Variants in SND1 observed in about 807,000 individuals in gnomAD.
SND1 encodes staphylococcal nuclease and tudor domain containing 1.
In SND1, 38 loss-of-function variants were observed where a neutral mutation model predicts 121.7. The observed-to-expected ratio is 0.31, with a 90% CI of 0.24 to 0.41. The LOEUF (loss-of-function observed/expected upper bound fraction) is 0.41, where lower values mean the gene tolerates loss of function less well. Among genes scored for constraint, SND1 ranks in the 10% least tolerant of loss-of-function variants. The pLI, the probability that SND1 is intolerant of heterozygous loss-of-function variation, is 1.00. For missense variants in SND1, 868 were observed against 1,184.6 expected, an observed-to-expected ratio of 0.73 and a Z score of 3.92; for synonymous variants, 401 against 447.4, an observed-to-expected ratio of 0.90 and a Z score of 1.31.
At chr7:127,701,468 C>A in intron 5 of SND1, 145 bp downstream of exon 5, 1 of 779,912 alleles carries the variant, frequency 1.3e-6, no homozygotes, top group South Asian at 2.2e-5. Flanking sequence ...AAAACAGCAC[C>A]TTAGTATTTC....
intron 1 of SND1, among the ~76,000 whole-genome samples, chr7:127,654,018 G>A (rs1010861112): frequency 2.0e-5 from 3 of 152,278 alleles, no homozygotes; most frequent in East Asian, 3.9e-4. Context: ...TTGGCTCTCC[G>A]GTGTTGGGTT....
At chr7:127,714,089 G>C (rs1373883436) in intron 9 of SND1, among the ~76,000 whole-genome samples, 1 of 152,054 alleles carries the variant, frequency 6.6e-6, no homozygotes, top group African/African-American at 2.4e-5. Context: ...TGTGGGGGGT[G>C]GGGGAGGGAT....
At chr7:128,084,574 C>A in intron 18 of SND1, 150 bp from the exon 19 acceptor site, 1 of 713,790 alleles carries the variant, frequency 1.4e-6, no homozygotes, top group Non-Finnish European at 2.1e-6. Context: ...ACCAAGAGGG[C>A]TTCCCCGCAT....
intron 15 of SND1, among the ~76,000 whole-genome samples, chr7:127,951,011 T>G (rs953313038): frequency 1.3e-5 from 2 of 152,116 alleles, no homozygotes; most frequent in Non-Finnish European, 2.9e-5. Context: ...GTATGGAGAT[T>G]CCTCAAAAAA....
rs140120176 is a variant in SND1 at position 127,929,122 on chromosome 7, A to G, written c.1528-66A>G. On this transcript the variant is annotated intron_variant, in intron 14 of 23. Coordinates refer to ENST00000354725, the MANE Select transcript of SND1 (RefSeq NM_014390.4). ...CTTCCTGCCAAACTTTTTGTCCTAG[A>G]CTATAAAGAAAGAAACGTTGGGTTT... 1,125 of 1,546,622 alleles carry G rather than the reference A, an allele frequency of 7.3e-4. 21 individuals are homozygous for G. The East Asian group carries it at 0.022, about 31-fold the overall frequency.
chr7:127,976,339 C>T (rs1802119976), intron 15 of SND1, among the ~76,000 whole-genome samples: 1 of 152,266 alleles, frequency 6.6e-6, no homozygotes, highest in African/African-American at 2.4e-5. Flanking sequence ...AAGACAGGCA[C>T]AGCCTGATGG....
intron 15 of SND1, among the ~76,000 whole-genome samples, chr7:127,950,069 A>C (rs1801426459): frequency 6.6e-6 from 1 of 152,184 alleles, no homozygotes; most frequent in Non-Finnish European, 1.5e-5. Flanking sequence ...GGATCCCAAG[A>C]GCTTTAGAAT....
intron 1 of SND1, among the ~76,000 whole-genome samples, chr7:127,662,890 CTTT>C (rs34629378): frequency 5.7e-5 from 7 of 122,500 alleles, no homozygotes; most frequent in Admixed American, 8.7e-5. Flanking sequence ...CCTCTTTTAT[CTTT>C]TTTTTTTTTT....
At chr7:127,995,631 G>A (rs1802629856) in intron 16 of SND1, among the ~76,000 whole-genome samples, 1 of 152,094 alleles carries the variant, frequency 6.6e-6, no homozygotes, top group Non-Finnish European at 1.5e-5. Context: ...TTTCCTTTTT[G>A]CGGCCCTTGT....
chr7:127,825,553 G>T (rs1798628570), intron 11 of SND1, among the ~76,000 whole-genome samples: 2 of 151,748 alleles, frequency 1.3e-5, no homozygotes, highest in African/African-American at 4.8e-5. Flanking sequence ...GATTAATAGT[G>T]TGTGCCACCA....
At chr7:127,939,564 T>C (rs1003814576) in intron 15 of SND1, among the ~76,000 whole-genome samples, 1 of 152,150 alleles carries the variant, frequency 6.6e-6, no homozygotes. Flanking sequence ...CTGCTTATCT[T>C]GGTGTGATGC....
At chr7:127,932,788 A>G (rs1800980726) in intron 15 of SND1, among the ~76,000 whole-genome samples, 1 of 152,174 alleles carries the variant, frequency 6.6e-6, no homozygotes, top group African/African-American at 2.4e-5. Context: ...GAAGGCTCAG[A>G]TGATCATTAG....
chr7:127,692,412 GTTAGACCATTCTGGCCC>G (rs1795937185), intron 2 of SND1: 1 of 152,236 alleles, frequency 6.6e-6, no homozygotes, highest in South Asian at 2.1e-4. Flanking sequence ...TATTCTTCCT[GTTAGACCATTCTGGCCC>G]TTATTTGAAT....
chr7:127,857,183 C>CTTTTTTTT (rs71522259), intron 12 of SND1, among the ~76,000 whole-genome samples: 2 of 67,992 alleles, frequency 2.9e-5, no homozygotes, highest in Non-Finnish European at 5.9e-5. Flanking sequence ...AATGTCAACA[C>CTTTTTTTT]TTTTTTTTTT....
chr7:128,013,933 CT>C (rs1803170227), intron 16 of SND1, among the ~76,000 whole-genome samples: 1 of 152,204 alleles, frequency 6.6e-6, no homozygotes, highest in Non-Finnish European at 1.5e-5. Flanking sequence ...ATTCTTACTA[CT>C]TGCCTTTGGA....
chr7:127,863,448 AT>A (rs1187347278), intron 12 of SND1, among the ~76,000 whole-genome samples: 1 of 152,210 alleles, frequency 6.6e-6, no homozygotes, highest in Non-Finnish European at 1.5e-5. Flanking sequence ...TCAAAAAAAA[AT>A]TATTGCTTAG....
intron 16 of SND1, among the ~76,000 whole-genome samples, chr7:128,048,388 T>TG (rs1792989611): frequency 6.6e-6 from 1 of 152,216 alleles, no homozygotes; most frequent in Non-Finnish European, 1.5e-5. Flanking sequence ...ACATTGAGTG[T>TG]GCCTTGTGGG....
chr7:127,765,336 A>G (rs982019938), intron 10 of SND1, among the ~76,000 whole-genome samples: 1 of 152,170 alleles, frequency 6.6e-6, no homozygotes, highest in Non-Finnish European at 1.5e-5. Flanking sequence ...ATTTGTGGTG[A>G]TATGTTAGAA....
intron 16 of SND1, among the ~76,000 whole-genome samples, chr7:128,054,152 T>G (rs772770922): frequency 9.2e-5 from 14 of 152,154 alleles, no homozygotes; most frequent in Non-Finnish European, 1.5e-5. Flanking sequence ...GGCGGTGGCA[T>G]GTACACAGGC....
Sources: allele counts gnomAD v4.1 joint callset (sites outside exome capture counted in the v4.1 genomes callset), GRCh38; gene constraint gnomAD v4.1.1; transcripts MANE v1.5; gene names NCBI Gene and HGNC (gene_info 2026-07-23, HGNC 2026-07-21).